DOCK3: variants seen among roughly 807,000 people sequenced by gnomAD.
DOCK3 encodes dedicator of cytokinesis protein 3.
A neutral mutation model predicts 265.6 loss-of-function variants in DOCK3; 60 were observed. The ratio of observed to expected loss-of-function variants is 0.23; its 90% CI spans 0.18 to 0.28. DOCK3 has a LOEUF of 0.28. Among genes scored for constraint, DOCK3 ranks in the 10% least tolerant of loss-of-function variants. DOCK3 has a pLI of 1.00. For missense variants in DOCK3, 1,981 were observed against 2,594.3 expected, an observed-to-expected ratio of 0.76 and a Z score of 5.14; for synonymous variants, 881 against 938.0, an observed-to-expected ratio of 0.94 and a Z score of 1.11.
intron 46 of DOCK3, among the ~76,000 whole-genome samples, chr3:51,360,308 G>A (rs2086640268): frequency 6.6e-6 from 1 of 152,214 alleles, no homozygotes; most frequent in Admixed American, 6.5e-5. Context: ...ACGGCCTTTG[G>A]TCTAGGTTCC....
chr3:51,124,038 G>A (rs2084154748), intron 9 of DOCK3, among the ~76,000 whole-genome samples: 1 of 152,168 alleles, frequency 6.6e-6, no homozygotes, highest in African/African-American at 2.4e-5. Flanking sequence ...GTTTTTAGAT[G>A]TCAAGTTTCC....
rs1165328426 is a variant in DOCK3, at chr3:51,102,178, C to T, written c.746+11794C>T. Among the ~76,000 whole-genome samples, 3 of 152,096 alleles carry T rather than the reference C, an allele frequency of 2.0e-5. 1 individual carries two copies. The highest frequency in any genetic ancestry group is 4.1e-4 in the South Asian group (2 of 4,832). ...TCTCTGGACACAGACTTCTAGTGAC[C>T]GGAGGTGTTTCTGTCAGAGCCAGAG... On this transcript the variant is annotated intron_variant, in intron 9 of 52. Coordinates refer to ENST00000266037, the MANE Select transcript of DOCK3 (RefSeq NM_004947.5).
intron 5 of DOCK3, among the ~76,000 whole-genome samples, chr3:50,942,577 A>G (rs1048694512): frequency 3.9e-5 from 6 of 152,032 alleles, no homozygotes; most frequent in Admixed American, 1.3e-4. Context: ...TGTTAATGCT[A>G]CAGAGTTAAC....
At chr3:50,823,641 C>A (rs1486281316) in intron 2 of DOCK3, among the ~76,000 whole-genome samples, 1 of 152,226 alleles carries the variant, frequency 6.6e-6, no homozygotes, top group South Asian at 2.1e-4. Flanking sequence ...TCCACAAAAC[C>A]GCCATTGTCA....
At chr3:50,906,456 A>C (rs1397055839) in intron 4 of DOCK3, among the ~76,000 whole-genome samples, 1 of 151,958 alleles carries the variant, frequency 6.6e-6, no homozygotes, top group African/African-American at 2.4e-5. Context: ...TTATTCGTCT[A>C]TTCAGGGATT....
At position 51,084,780 on chromosome 3, in the gene DOCK3, A is replaced by T. The variant is rs557754927; in HGVS notation, c.550-4463A>T. ...GAAGAAAGAAATGAAGAATGTATTA[A>T]ACAATCACAAAATAATTAACAAAAC... On this transcript the variant is annotated intron_variant, in intron 7 of 52. Coordinates refer to ENST00000266037, the MANE Select transcript of DOCK3 (RefSeq NM_004947.5). 8.9e-4 allele frequency among the ~76,000 whole-genome samples: 136 copies of T among 152,350 alleles called. 3 individuals are homozygous for T. In the South Asian group the frequency reaches 0.027, roughly 30 times the overall value.
chr3:50,775,784 G>C (rs2041558862), intron 1 of DOCK3, among the ~76,000 whole-genome samples: 1 of 152,024 alleles, frequency 6.6e-6, no homozygotes, highest in South Asian at 2.1e-4. Context: ...CTATTACTCT[G>C]TATGTCTTTG....
chr3:51,145,865 C>T (rs986213192), intron 9 of DOCK3, among the ~76,000 whole-genome samples: 2 of 152,154 alleles, frequency 1.3e-5, no homozygotes, highest in South Asian at 2.1e-4. Flanking sequence ...GCTGTTCTAC[C>T]TTAGATCATC....
At chr3:51,289,439 T>A (rs79080644) in intron 27 of DOCK3, among the ~76,000 whole-genome samples, 8 of 151,906 alleles carry the variant, frequency 5.3e-5, no homozygotes, top group African/African-American at 1.9e-4. Context: ...GATAAAAGAA[T>A]CAAAGCATAC....
Position 50,786,766 on chromosome 3 carries a change from A to G in DOCK3, c.121+8008A>G, listed in dbSNP as rs554112672. On this transcript the variant is annotated intron_variant, in intron 2 of 52. Coordinates refer to ENST00000266037, the MANE Select transcript of DOCK3 (RefSeq NM_004947.5). ...ACTGCTTCGTGTTGAAATCCTTGCC[A>G]CACCACTGGCACATGAACTGTTTGT... The G allele has an allele frequency of 3.9e-4, 287 of 738,838 alleles. 4 individuals carry two copies. Among genetic ancestry groups the G allele is most frequent in the South Asian group, 2.6e-3 (193 of 74,048 alleles). The allele number at this position is 738,838 out of a possible 1,614,324, so 45.8% of individuals were successfully genotyped here.
At chr3:51,181,100 A>G (rs2107728915) in intron 12 of DOCK3, among the ~76,000 whole-genome samples, 1 of 152,320 alleles carries the variant, frequency 6.6e-6, no homozygotes, top group African/African-American at 2.4e-5. Context: ...TTGACTATTA[A>G]AGTAAACATG....
chr3:50,787,842 C>T (rs2042265141), intron 2 of DOCK3: 4 of 1,111,492 alleles, frequency 3.6e-6, no homozygotes, highest in East Asian at 2.6e-5. Flanking sequence ...TGTTTAAGAA[C>T]AGGAGTCTCT....
chr3:51,286,015 A>G (rs994857416), intron 27 of DOCK3, among the ~76,000 whole-genome samples: 2 of 152,208 alleles, frequency 1.3e-5, no homozygotes, highest in Non-Finnish European at 2.9e-5. Flanking sequence ...ATAGGAAGAG[A>G]GGAAGTCAAA....
rs200028488 is a variant in DOCK3 at position 51,341,286 on chromosome 3, C to G, written c.3816C>G (p.Asp1272Glu). The G allele has an allele frequency of 6.9e-4, 1,116 of 1,609,076 alleles. No individual in the cohort carries two copies. The highest frequency in any genetic ancestry group is 9.1e-4 in the Non-Finnish European group (1,076 of 1,177,474). Residue 1272 changes from aspartate (D) to glutamate (E), a missense_variant, in exon 38 of 53, where the codon GAC (aspartate) becomes GAG (glutamate). Transcript: ENST00000266037. ...LLYCELLQWE[D>E]RPLREFLHYP... ...ACTGTGAGCTGCTGCAGTGGGAGGA[C>G]CGGCCACTACGGGAATTCCTCCACT...
chr3:50,931,639 T>A (rs1469781049), intron 4 of DOCK3, among the ~76,000 whole-genome samples: 1 of 152,240 alleles, frequency 6.6e-6, no homozygotes, highest in Non-Finnish European at 1.5e-5. Context: ...AAGATCAATA[T>A]GACCTATTTC....
intron 2 of DOCK3, among the ~76,000 whole-genome samples, chr3:50,786,215 A>T (rs1226709439): frequency 6.6e-6 from 1 of 151,974 alleles, no homozygotes; most frequent in African/African-American, 2.4e-5. Context: ...AATCTTTCTA[A>T]TGGTCTATCA....
chr3:51,237,767 T>A (rs1203754861), intron 21 of DOCK3, among the ~76,000 whole-genome samples, 177 bp downstream of exon 21: 1 of 152,172 alleles, frequency 6.6e-6, no homozygotes, highest in Non-Finnish European at 1.5e-5. Flanking sequence ...ATTTTCTGAG[T>A]GTAGGGTTCA....
At chr3:50,822,497 G>A (rs1315678546) in intron 2 of DOCK3, among the ~76,000 whole-genome samples, 3 of 151,912 alleles carry the variant, frequency 2.0e-5, no homozygotes, top group Non-Finnish European at 4.4e-5. Context: ...TTCTAGCTCG[G>A]ATACTTTTTT....
chr3:50,788,786 C>T (rs1286527573), intron 2 of DOCK3, among the ~76,000 whole-genome samples: 1 of 106,100 alleles, frequency 9.4e-6, no homozygotes, highest in African/African-American at 3.8e-5. Context: ...GGGCAGAGCG[C>T]AGGGAGGGAG....
Sources: allele counts gnomAD v4.1 joint callset (sites outside exome capture counted in the v4.1 genomes callset), GRCh38; gene constraint gnomAD v4.1.1; transcripts MANE v1.5; gene names NCBI Gene and HGNC (gene_info 2026-07-23, HGNC 2026-07-21).